Variants in ABTB3 observed in about 807,000 individuals in gnomAD.
ABTB3 encodes the protein ankyrin repeat and BTB domain containing 3, also known as ankyrin repeat- and BTB/POZ domain-containing protein 3.
At chr12:107,457,171 T>C in the ABTB3 span, among the ~76,000 whole-genome samples, 1 of 152,216 alleles carries the variant, frequency 6.6e-6, no homozygotes, top group Non-Finnish European at 1.5e-5. Flanking sequence ...CCTACAGTAG[T>C]CTTTCTTTCC....
At chr12:107,395,076 C>T in the ABTB3 span, among the ~76,000 whole-genome samples, 2 of 152,234 alleles carry the variant, frequency 1.3e-5, no homozygotes, top group African/African-American at 2.4e-5. Flanking sequence ...TCACCCTCAT[C>T]AGCAAGTGGC....
the ABTB3 span, chr12:107,618,511 C>T: frequency 1.3e-6 from 1 of 767,202 alleles, no homozygotes; most frequent in South Asian, 1.9e-5. Context: ...CACACACACA[C>T]AAGGGGACCC....
the ABTB3 span, among the ~76,000 whole-genome samples, chr12:107,456,677 CT>C: frequency 2.6e-5 from 4 of 152,142 alleles, no homozygotes; most frequent in Non-Finnish European, 5.9e-5. Context: ...AACCATCCCC[CT>C]ACCCCCAGGT....
At chr12:107,403,088 C>G in the ABTB3 span, among the ~76,000 whole-genome samples, 1 of 152,152 alleles carries the variant, frequency 6.6e-6, no homozygotes, top group Non-Finnish European at 1.5e-5. Context: ...TCATTCATTC[C>G]GATTGTGTGA....
At chr12:107,498,359 C>T in the ABTB3 span, among the ~76,000 whole-genome samples, 1 of 152,090 alleles carries the variant, frequency 6.6e-6, no homozygotes, top group Admixed American at 6.5e-5. Context: ...ACCATCAGGC[C>T]CCCCAGCACC....
chr12:107,546,913 G>C, the ABTB3 span, among the ~76,000 whole-genome samples: 2 of 152,068 alleles, frequency 1.3e-5, no homozygotes, highest in Non-Finnish European at 2.9e-5. Context: ...TCTGACCAAG[G>C]CTGGGCACAG....
chr12:107,387,699 C>T, the ABTB3 span, among the ~76,000 whole-genome samples: 33 of 152,314 alleles, frequency 2.2e-4, no homozygotes, highest in Middle Eastern at 3.4e-3. Flanking sequence ...AAGTACATCT[C>T]GTCCCTGGGA....
chr12:107,545,002 A>G, the ABTB3 span, among the ~76,000 whole-genome samples: 1 of 152,232 alleles, frequency 6.6e-6, no homozygotes, highest in Admixed American at 6.5e-5. Context: ...AACTTTTATT[A>G]TTGTTGTTGT....
At chr12:107,345,383 C>T in the ABTB3 span, among the ~76,000 whole-genome samples, 1 of 152,032 alleles carries the variant, frequency 6.6e-6, no homozygotes. Flanking sequence ...AGGATTTGCC[C>T]AGCAAAGAGA....
At chr12:107,595,571 T>C in the ABTB3 span, among the ~76,000 whole-genome samples, 1 of 152,180 alleles carries the variant, frequency 6.6e-6, no homozygotes, top group African/African-American at 2.4e-5. Flanking sequence ...TCTAATAGTT[T>C]GTTGACCAGA....
the ABTB3 span, among the ~76,000 whole-genome samples, chr12:107,460,822 T>C: frequency 3.9e-5 from 6 of 152,178 alleles, no homozygotes; most frequent in African/African-American, 1.2e-4. Context: ...ACATATTAAA[T>C]AATTTTTTAA....
chr12:107,630,718 C>T, the ABTB3 span, among the ~76,000 whole-genome samples: 4 of 152,126 alleles, frequency 2.6e-5, no homozygotes, highest in Non-Finnish European at 4.4e-5. Flanking sequence ...TATAGGCATG[C>T]ACCACCACAC....
chr12:107,573,411 TGGATGGATGTGTG>T, the ABTB3 span, among the ~76,000 whole-genome samples: 1 of 151,924 alleles, frequency 6.6e-6, no homozygotes, highest in Non-Finnish European at 1.5e-5. Context: ...GACGGATGGA[TGGATGGATGTGTG>T]GGTGGATGAA....
At chr12:107,440,479 C>T in the ABTB3 span, among the ~76,000 whole-genome samples, 1 of 152,334 alleles carries the variant, frequency 6.6e-6, no homozygotes, top group South Asian at 2.1e-4. Flanking sequence ...CTTACCCTGC[C>T]TCTTTGCTAG....
the ABTB3 span, chr12:107,543,993 C>T: frequency 1.2e-6 from 2 of 1,613,870 alleles, no homozygotes; most frequent in African/African-American, 2.7e-5. Context: ...AGCACCACGG[C>T]AATGGCACCC....
chr12:107,615,087 A>G, the ABTB3 span: 1 of 1,613,730 alleles, frequency 6.2e-7, no homozygotes, highest in Non-Finnish European at 8.5e-7. Context: ...ATAAATATCC[A>G]TCCGTCCACC....
the ABTB3 span, chr12:107,610,208 T>G: frequency 8.1e-6 from 13 of 1,614,122 alleles, no homozygotes; most frequent in African/African-American, 1.6e-4. Flanking sequence ...ACTGCTTTTG[T>G]GCATCTCGAA....
the ABTB3 span, among the ~76,000 whole-genome samples, chr12:107,630,548 A>G: frequency 6.6e-6 from 1 of 152,044 alleles, no homozygotes; most frequent in African/African-American, 2.4e-5. Context: ...GGCTCAAGCC[A>G]TCCTCCCACC....
chr12:107,509,697 A>G, the ABTB3 span, among the ~76,000 whole-genome samples: 1 of 152,242 alleles, frequency 6.6e-6, no homozygotes, highest in Non-Finnish European at 1.5e-5. Flanking sequence ...GCTTTTCCGA[A>G]TTGGAGTAGG....
Sources: allele counts gnomAD v4.1 joint callset (sites outside exome capture counted in the v4.1 genomes callset), GRCh38; gene constraint gnomAD v4.1.1; transcripts MANE v1.5; gene names NCBI Gene and HGNC (gene_info 2026-07-23, HGNC 2026-07-21).